DLG1: variants seen among roughly 807,000 people sequenced by gnomAD.
The protein encoded by DLG1 is discs large MAGUK scaffold protein 1, also known as disks large homolog 1.
A neutral mutation model predicts 123.4 loss-of-function variants in DLG1; 42 were observed. The ratio of observed to expected loss-of-function variants is 0.34; its 90% CI spans 0.27 to 0.44. The LOEUF (loss-of-function observed/expected upper bound fraction) is 0.44. DLG1 is among the 20% of genes least tolerant of loss of function. DLG1 has a pLI of 1.00. For synonymous variants in DLG1, 317 were observed against 356.2 expected, an observed-to-expected ratio of 0.89 and a Z score of 1.24; for missense variants, 942 against 1,082.6, an observed-to-expected ratio of 0.87 and a Z score of 1.82.
chr3:197,278,752 A>G (rs1348277079), intron 4 of DLG1, among the ~76,000 whole-genome samples: 1 of 151,886 alleles, frequency 6.6e-6, no homozygotes, highest in Non-Finnish European at 1.5e-5. Context: ...AAAAAAAAAG[A>G]CAAAACTGGA....
At chr3:197,289,946 C>T (rs1407507447) in intron 3 of DLG1, among the ~76,000 whole-genome samples, 1 of 152,112 alleles carries the variant, frequency 6.6e-6, no homozygotes, top group Non-Finnish European at 1.5e-5. Flanking sequence ...AAGGTGTGTA[C>T]TAAAAGGAAC....
rs144904933 is a variant in DLG1, at chr3:197,135,253, T to A, written c.1020+1289A>T. ...TTGATTGATATGGTATGGCTCTGTG[T>A]CCCCACCCAAATGTCATCCTGAATT... On this transcript the variant is annotated intron_variant, in intron 10 of 24. Transcript: ENST00000667157. 9.7e-3 allele frequency among the ~76,000 whole-genome samples: 1,481 copies of A among 152,270 alleles called. 18 individuals carry two copies. Among genetic ancestry groups the A allele is most frequent in the African/African-American group, 0.023 (960 of 41,568 alleles).
At chr3:197,136,773 C>G (rs1785229325) in intron 9 of DLG1, 95 bp from the exon 10 acceptor site, 3 of 1,070,876 alleles carry the variant, frequency 2.8e-6, no homozygotes, top group South Asian at 3.5e-5. Flanking sequence ...TTCCCTCACA[C>G]TAATATTTTT....
At chr3:197,287,874 C>G (rs1427549370) in intron 3 of DLG1, among the ~76,000 whole-genome samples, 1 of 152,140 alleles carries the variant, frequency 6.6e-6, no homozygotes, top group Admixed American at 6.5e-5. Context: ...ATAAATACAA[C>G]ATTCCTAAGA....
intron 12 of DLG1, among the ~76,000 whole-genome samples, chr3:197,116,666 T>A (rs572895837): frequency 6.6e-6 from 1 of 152,144 alleles, no homozygotes; most frequent in Non-Finnish European, 1.5e-5. Context: ...CTTTGCTACC[T>A]TCCTTTCCTC....
chr3:197,053,952 C>T (rs570937768), intron 23 of DLG1, among the ~76,000 whole-genome samples: 16 of 151,722 alleles, frequency 1.1e-4, no homozygotes, highest in South Asian at 8.4e-4. Context: ...ATTAGCCAGG[C>T]GTGGCGGTGC....
intron 4 of DLG1, among the ~76,000 whole-genome samples, chr3:197,259,703 G>A (rs1758506027): frequency 6.6e-6 from 1 of 152,152 alleles, no homozygotes; most frequent in African/African-American, 2.4e-5. Context: ...GAAGCATGCT[G>A]CACTTTGAAC....
intron 4 of DLG1, among the ~76,000 whole-genome samples, chr3:197,265,432 G>A (rs889889486): frequency 3.9e-5 from 6 of 152,160 alleles, no homozygotes; most frequent in Non-Finnish European, 7.3e-5. Context: ...GTAGCAGAAG[G>A]GGGAAACTCA....
intron 12 of DLG1, among the ~76,000 whole-genome samples, chr3:197,117,040 G>A (rs1773671776): frequency 6.6e-6 from 1 of 152,018 alleles, no homozygotes; most frequent in South Asian, 2.1e-4. Context: ...AGTATTTCCA[G>A]GGGAAAATAC....
At chr3:197,163,489 A>G (rs917242646) in intron 5 of DLG1, among the ~76,000 whole-genome samples, 6 of 152,018 alleles carry the variant, frequency 3.9e-5, no homozygotes, top group African/African-American at 9.7e-5. Context: ...ATGAACGGAT[A>G]CACAAAACGT....
rs1052896478 is a variant in DLG1, at chr3:197,252,982, GA to G, written c.318+29696del. 2.0e-5 allele frequency among the ~76,000 whole-genome samples: 3 copies of G among 152,184 alleles called. 1 individual carries two copies. The highest frequency in any genetic ancestry group is 4.4e-5 in the Non-Finnish European group (3 of 67,984). On this transcript the variant is annotated intron_variant, in intron 4 of 24. Coordinates refer to ENST00000667157, the MANE Select transcript of DLG1 (RefSeq NM_001366207.1). ...CCAAAATGGATTATGAACTTAATCT[GA>G]AAAAACAGGAGAAACAGGAGAAAAT...
intron 5 of DLG1, among the ~76,000 whole-genome samples, chr3:197,175,136 C>T (rs577682599): frequency 6.6e-6 from 1 of 152,280 alleles, no homozygotes; most frequent in East Asian, 1.9e-4. Context: ...GGTGGCACTG[C>T]CAGTTGGTTT....
chr3:197,052,895 A>G (rs181310294), intron 23 of DLG1, among the ~76,000 whole-genome samples: 1 of 152,372 alleles, frequency 6.6e-6, no homozygotes, highest in Admixed American at 6.5e-5. Flanking sequence ...TTTTATTCCA[A>G]CAAACTGAAG....
chr3:197,150,284 A>T (rs976521305), intron 5 of DLG1, among the ~76,000 whole-genome samples: 12 of 152,030 alleles, frequency 7.9e-5, no homozygotes, highest in African/African-American at 2.4e-4. Context: ...CTAAAAACAC[A>T]CTCTTAATGT....
At chr3:197,245,147 G>C (rs1750997750) in intron 4 of DLG1, among the ~76,000 whole-genome samples, 1 of 152,124 alleles carries the variant, frequency 6.6e-6, no homozygotes, top group African/African-American at 2.4e-5. Context: ...TTCTGATGAA[G>C]GTGGGTGCCA....
At chr3:197,184,002 A>C in intron 5 of DLG1, 1 of 1,384,838 alleles carries the variant, frequency 7.2e-7, no homozygotes, top group Non-Finnish European at 9.3e-7. Context: ...TTCCCTCTGT[A>C]CCTGTTAGCT....
At chr3:197,086,997 TA>T (rs1754777313) in intron 15 of DLG1, among the ~76,000 whole-genome samples, 1 of 152,102 alleles carries the variant, frequency 6.6e-6, no homozygotes, top group African/African-American at 2.4e-5. Flanking sequence ...ATTTGATTCA[TA>T]AAAAAAGAAA....
At chr3:197,085,826 A>C in intron 15 of DLG1, 70 bp from the exon 16 acceptor site, 1 of 1,425,718 alleles carries the variant, frequency 7.0e-7, no homozygotes, top group Admixed American at 2.2e-5. Flanking sequence ...AGGGTTCTGA[A>C]AGTATATGTA....
At chr3:197,149,045 A>G in intron 6 of DLG1, among the ~76,000 whole-genome samples, 1 of 152,180 alleles carries the variant, frequency 6.6e-6, no homozygotes, top group East Asian at 1.9e-4. Context: ...TACCTTAACA[A>G]ATTATGTTGA....
Sources: gnomAD v4.1 joint callset for allele counts (sites outside exome capture counted in the v4.1 genomes callset) on GRCh38, gnomAD v4.1.1 for gene constraint, MANE v1.5 for transcripts, NCBI Gene and HGNC (gene_info 2026-07-23, HGNC 2026-07-21) for gene names.